The following AURKB variants were observed in gnomAD, a reference collection of about 807,000 sequenced individuals.
AURKB encodes the protein aurora kinase B.
AURKB carries 28 observed loss-of-function variants against 36.5 expected under a neutral mutation model. The observed-to-expected ratio is 0.77, with a 90% CI of 0.57 to 1.05. The LOEUF (loss-of-function observed/expected upper bound fraction) is 1.05, where lower values mean the gene tolerates loss of function less well. Ranked by LOEUF, AURKB falls within the 50% of genes least tolerant of loss-of-function variation. The pLI is 0.00. For missense variants in AURKB, 383 were observed against 447.4 expected (o/e 0.86, Z 1.30); for synonymous variants, 175 against 172.9 (o/e 1.01, Z -0.09).
intron 4 of AURKB, 77 bp from the exon 5 acceptor site, chr17:8,207,444 T>C: frequency 6.4e-7 from 1 of 1,563,914 alleles, no homozygotes; most frequent in Non-Finnish European, 8.7e-7. Flanking sequence ...TGCTTCCTCA[T>C]CCCATCCTGT....
chr17:8,207,374 A>G lies in AURKB; in HGVS notation c.207-7T>C, dbSNP rs764132176. ...ATCAATTGTGAAGTGCCGCCTGCTT[A>G]GAAAGTGGAGGAAGGCAACTCAGAA... is the stretch of plus-strand genomic sequence containing the variant. On this transcript the variant is annotated splice_polypyrimidine_tract_variant and splice_region_variant and intron_variant, in intron 4 of 8. Transcript: ENST00000585124. The G allele has an allele frequency of 6.2e-7, 1 of 1,610,840 alleles. No individual in the cohort carries two copies. Among genetic ancestry groups the G allele is most frequent in the South Asian group, 1.1e-5 (1 of 90,970 alleles).
At chr17:8,208,583 T>C (rs1201463990) in intron 2 of AURKB, among the ~76,000 whole-genome samples, 2 of 128,112 alleles carry the variant, frequency 1.6e-5, no homozygotes, top group African/African-American at 5.7e-5. Context: ...ACAGTGAGGC[T>C]CCGTCTCAAA....
intron 2 of AURKB, among the ~76,000 whole-genome samples, chr17:8,209,137 C>T (rs770842024): frequency 3.3e-5 from 5 of 151,846 alleles, no homozygotes; most frequent in African/African-American, 7.3e-5. Context: ...TCTCCTGCCT[C>T]GGCCTCCTGA....
intron 2 of AURKB, among the ~76,000 whole-genome samples, chr17:8,209,512 CT>C (rs1312560981): frequency 9.2e-5 from 14 of 152,176 alleles, no homozygotes; most frequent in Non-Finnish European, 4.4e-5. Context: ...TGCAGGGCCC[CT>C]TCCTTCTTCT....
chr17:8,205,441 C>T lies in AURKB; in HGVS notation c.687-51G>A, dbSNP rs371610976. The stretch of plus-strand genomic sequence containing the variant: ...GGGGTCCTAGTGACATAGGAACTCT[C>T]CTTTCCCTGCTGCCTGACGGCTGGG... On this transcript the variant is annotated intron_variant, in intron 7 of 8. Transcript: ENST00000585124. The T allele has an allele frequency of 1.2e-5, 19 of 1,584,222 alleles. No individual in the cohort carries two copies. The African/African-American group carries it at 1.5e-4, about 12-fold the overall frequency.
chr17:8,208,424 CAA>C (rs749243188), intron 2 of AURKB, among the ~76,000 whole-genome samples: 9 of 124,072 alleles, frequency 7.3e-5, no homozygotes, highest in Non-Finnish European at 5.2e-5. Flanking sequence ...GACTCCATCT[CAA>C]AAAAAAAAAA....
chr17:8,209,783 G>T (rs1276279516), intron 2 of AURKB, among the ~76,000 whole-genome samples: 1 of 151,896 alleles, frequency 6.6e-6, no homozygotes, highest in East Asian at 1.9e-4. Context: ...ATTTAGACTT[G>T]CCCTGGGCCT....
intron 3 of AURKB, 56 bp downstream of exon 3, chr17:8,207,682 C>A: frequency 6.2e-7 from 1 of 1,613,730 alleles, no homozygotes; most frequent in South Asian, 1.1e-5. Flanking sequence ...CATCCCTAAA[C>A]CCTCCCACAG....
At position 8,208,736 on chromosome 17, in the gene AURKB, T is replaced by C. The variant is rs562501668; in HGVS notation, c.49-896A>G. On this transcript the variant is annotated intron_variant, in intron 2 of 8. Transcript: ENST00000585124. Reference sequence around the variant, plus strand: ...GGCCCACACTTTTCAGGCATGAAGCTGTTCAACCTGTATAAGTCCTGTCCA... The same window carrying C: ...GGCCCACACTTTTCAGGCATGAAGCCGTTCAACCTGTATAAGTCCTGTCCA... Among the ~76,000 whole-genome samples the C allele has an allele frequency of 5.9e-5, 9 of 152,344 alleles. No individual in the cohort carries two copies. In the South Asian group the frequency reaches 1.7e-3, roughly 28 times the overall value.
intron 4 of AURKB, 92 bp downstream of exon 4, chr17:8,207,479 C>T: frequency 1.3e-6 from 2 of 1,564,562 alleles, no homozygotes; most frequent in Non-Finnish European, 1.7e-6. Context: ...GTCTTCATCC[C>T]TACTCCTCCC....
Position 8,204,984 on chromosome 17 carries a change from G to C in AURKB, c.922C>G (p.Leu308Val). ...AGCCGTTCCGAGGGGTTATGCCTGA[G>C]CAGTTTGGAGATGAGGTCCTGGGCT... The part of the protein sequence containing the change: ...MGAQDLISKL[L>V]RHNPSERLPL... Residue 308 changes from leucine (L) to valine (V), a missense_variant, in exon 9 of 9, where the codon CTC becomes GTC. By Grantham distance (32) the Leu-to-Val change is conservative. Transcript: ENST00000585124. 1 of 1,608,314 alleles carries C rather than the reference G, an allele frequency of 6.2e-7. No homozygotes were observed. Among genetic ancestry groups the C allele is most frequent in the Non-Finnish European group, 8.5e-7 (1 of 1,178,474 alleles).
Position 8,210,025 on chromosome 17 carries a change from G to A in AURKB, c.48+152C>T, listed in dbSNP as rs1040109930. 15 of 992,598 alleles carry A rather than the reference G, an allele frequency of 1.5e-5. No homozygotes were observed. In the East Asian group the frequency reaches 3.5e-4, roughly 23 times the overall value. 61.5% of individuals were successfully genotyped at this position (992,598 alleles called of 1,614,324 possible). On this transcript the variant is annotated intron_variant, in intron 2 of 8. Transcript: ENST00000585124. Reference sequence around the variant, plus strand: ...CAGGATGTGGCTACAAATGACCAGAGCGGGTTCTGTCGTCAAACTTGGGAC... The same window carrying A: ...CAGGATGTGGCTACAAATGACCAGAACGGGTTCTGTCGTCAAACTTGGGAC...
At chr17:8,205,486 G>T in intron 7 of AURKB, 96 bp from the exon 8 acceptor site, 1 of 1,478,742 alleles carries the variant, frequency 6.8e-7, no homozygotes, top group Non-Finnish European at 9.2e-7. Flanking sequence ...ACCACGGGAT[G>T]TACCAGGGGA....
chr17:8,207,108 T>G, intron 5 of AURKB, 68 bp downstream of exon 5: 1 of 1,542,304 alleles, frequency 6.5e-7, no homozygotes, highest in Non-Finnish European at 8.8e-7. Flanking sequence ...CTGGATGAAG[T>G]GGGGCTGAAT....
chr17:8,210,048 G>A (rs561910497), intron 2 of AURKB, 129 bp downstream of exon 2: 4 of 1,266,250 alleles, frequency 3.2e-6, no homozygotes, highest in East Asian at 2.4e-5. Flanking sequence ...TCAAACTTGG[G>A]ACCCGTACTT....
At chr17:8,210,316 G>C (rs1985936944) in intron 1 of AURKB, 67 bp from the exon 2 acceptor site, 2 of 1,192,346 alleles carry the variant, frequency 1.7e-6, no homozygotes, top group Non-Finnish European at 2.4e-6. Flanking sequence ...GGGTTGGACC[G>C]ATCGAGCCGG....
At chr17:8,207,880 C>G (rs1597351767) in intron 2 of AURKB, 40 bp from the exon 3 acceptor site, 1 of 1,527,004 alleles carries the variant, frequency 6.5e-7, no homozygotes, top group Non-Finnish European at 8.9e-7. Context: ...GTGCCTTTGT[C>G]TGATGACCGG....
At chr17:8,210,055 A>T in intron 2 of AURKB, 122 bp downstream of exon 2, 1 of 1,332,196 alleles carries the variant, frequency 7.5e-7, no homozygotes, top group Non-Finnish European at 1.1e-6. Context: ...TGGGACCCGT[A>T]CTTTGGAGCA....
At chr17:8,210,295 G>C (rs1985934664) in intron 1 of AURKB, 46 bp from the exon 2 acceptor site, 6 of 1,399,112 alleles carry the variant, frequency 4.3e-6, no homozygotes, top group Non-Finnish European at 6.0e-6. Flanking sequence ...GAAAAAGAGA[G>C]AGAGAGGGAG....
Sources: gnomAD v4.1 joint callset for allele counts (sites outside exome capture counted in the v4.1 genomes callset) on GRCh38, gnomAD v4.1.1 for gene constraint, MANE v1.5 for transcripts, NCBI Gene and HGNC (gene_info 2026-07-23, HGNC 2026-07-21) for gene names.